Variants in KCNC2 observed in about 807,000 individuals in gnomAD.
KCNC2 encodes the protein potassium voltage-gated channel subfamily C member 2.
KCNC2 carries 21 observed loss-of-function variants against 44.5 expected under a neutral mutation model. The ratio of observed to expected loss-of-function variants is 0.47; its 90% CI spans 0.33 to 0.68. KCNC2 has a LOEUF of 0.68. KCNC2 is among the 30% of genes least tolerant of loss of function. KCNC2 has a pLI of 0.01. For synonymous variants in KCNC2, 391 were observed against 339.1 expected, an observed-to-expected ratio of 1.15 and a Z score of -1.68; for missense variants, 589 against 826.2, an observed-to-expected ratio of 0.71 and a Z score of 3.52.
At chr12:75,186,312 A>G (rs1892944720) in intron 2 of KCNC2, among the ~76,000 whole-genome samples, 3 of 152,038 alleles carry the variant, frequency 2.0e-5, no homozygotes, top group South Asian at 2.1e-4. Context: ...CAATCAAAAC[A>G]ATCGATTCAT....
chr12:75,085,435 G>A (rs1026911374), intron 2 of KCNC2, among the ~76,000 whole-genome samples: 3 of 151,996 alleles, frequency 2.0e-5, no homozygotes, highest in African/African-American at 7.2e-5. Flanking sequence ...CTGTGGACCA[G>A]GTACTATGCT....
intron 4 of KCNC2, among the ~76,000 whole-genome samples, chr12:75,045,808 T>C (rs1880435393): frequency 6.6e-6 from 1 of 151,912 alleles, no homozygotes; most frequent in Non-Finnish European, 1.5e-5. Context: ...GTTTTCTTAA[T>C]ATATGCCCAA....
intron 2 of KCNC2, among the ~76,000 whole-genome samples, chr12:75,181,810 C>CAATAATAA (rs1290676410): frequency 6.8e-6 from 1 of 147,580 alleles, no homozygotes; most frequent in Non-Finnish European, 1.5e-5. Flanking sequence ...CAATAATTAA[C>CAATAATAA]AATAATAAGC....
intron 4 of KCNC2, among the ~76,000 whole-genome samples, chr12:75,046,987 T>C (rs1880594910): frequency 6.6e-6 from 1 of 151,940 alleles, no homozygotes; most frequent in South Asian, 2.1e-4. Flanking sequence ...ATTTGAACCT[T>C]AAAATGGTAA....
intron 1 of KCNC2, 51 bp from the exon 2 acceptor site, chr12:75,208,053 C>T (rs1161072710): frequency 6.3e-6 from 10 of 1,594,394 alleles, no homozygotes; most frequent in East Asian, 2.3e-5. Context: ...CCGTCAAAGA[C>T]ACACCATGAC....
At chr12:75,172,544 G>A (rs1014899371) in intron 2 of KCNC2, among the ~76,000 whole-genome samples, 4 of 151,126 alleles carry the variant, frequency 2.6e-5, no homozygotes, top group Non-Finnish European at 2.9e-5. Context: ...TCTTATAGCT[G>A]CTAAGACAGA....
rs369956753 is a variant in KCNC2 at position 75,066,205 on chromosome 12, AT to A, written c.688-14889del. On this transcript the variant is annotated intron_variant, in intron 2 of 4. Coordinates refer to ENST00000549446, the MANE Select transcript of KCNC2 (RefSeq NM_139137.4). Reference sequence around the variant, plus strand: ...CCAATGTTCACAGTGTCACAATAAAATTTTCTTTTTGCTTTGTTATGTTCTG... The same window carrying A: ...CCAATGTTCACAGTGTCACAATAAAATTTCTTTTTGCTTTGTTATGTTCTG... Among the ~76,000 whole-genome samples the A allele has an allele frequency of 7.1e-4, 108 of 152,030 alleles. No individual in the cohort carries two copies. In the East Asian group the frequency reaches 0.017, roughly 24 times the overall value.
Position 75,041,566 on chromosome 12 carries a change from C to T in KCNC2, c.*1539G>A, listed in dbSNP as rs1394582722. ...TACGGTCTTTTTCTTCCCTCACATGCTCAATACATGAGACACGCTATTGCT... is the reference window on the plus strand; with the variant it reads ...TACGGTCTTTTTCTTCCCTCACATGTTCAATACATGAGACACGCTATTGCT... On this transcript the variant is annotated 3_prime_UTR_variant, in exon 5 of 5. Transcript: ENST00000549446. The T allele has an allele frequency of 2.7e-6, 3 of 1,106,278 alleles. No individual in the cohort carries two copies. The highest frequency in any genetic ancestry group is 4.2e-5 in the Admixed American group (1 of 23,660). 68.5% of individuals were successfully genotyped at this position (1,106,278 alleles called of 1,614,324 possible). A position where few individuals can be genotyped will look rare whatever the true frequency, so the allele number is the denominator to read the frequency against.
At chr12:75,051,984 C>G (rs1881224554) in intron 2 of KCNC2, among the ~76,000 whole-genome samples, 1 of 152,004 alleles carries the variant, frequency 6.6e-6, no homozygotes, top group African/African-American at 2.4e-5. Context: ...ATGTCTTCCT[C>G]TCTTGAAAAT....
chr12:75,086,638 C>A (rs1885019112), intron 2 of KCNC2, among the ~76,000 whole-genome samples: 1 of 125,390 alleles, frequency 8.0e-6, no homozygotes, highest in African/African-American at 3.0e-5. Flanking sequence ...AATGTAGTCC[C>A]ATAAAAAGCA....
intron 2 of KCNC2, among the ~76,000 whole-genome samples, chr12:75,167,838 T>C (rs941197463): frequency 6.6e-6 from 1 of 151,458 alleles, no homozygotes; most frequent in African/African-American, 2.4e-5. Flanking sequence ...CATGGTTGTA[T>C]GTATGCCAAT....
intron 2 of KCNC2, among the ~76,000 whole-genome samples, chr12:75,177,029 G>GTT (rs35773432): frequency 9.1e-6 from 1 of 109,560 alleles, no homozygotes; most frequent in Non-Finnish European, 1.8e-5. Flanking sequence ...GATGCTGCAA[G>GTT]TTTTATATAT....
intron 2 of KCNC2, among the ~76,000 whole-genome samples, chr12:75,202,075 A>G (rs1029339066): frequency 1.3e-5 from 2 of 151,930 alleles, no homozygotes; most frequent in African/African-American, 2.4e-5. Context: ...AAAATCTACA[A>G]AAAGGTTGAT....
chr12:75,092,017 T>A (rs1885524163), intron 2 of KCNC2, among the ~76,000 whole-genome samples: 1 of 151,660 alleles, frequency 6.6e-6, no homozygotes. Flanking sequence ...AGGATCATTC[T>A]ATTATAACCA....
intron 2 of KCNC2, among the ~76,000 whole-genome samples, 195 bp from the exon 3 acceptor site, chr12:75,051,512 G>A (rs180958535): frequency 1.1e-4 from 17 of 152,172 alleles, no homozygotes; most frequent in Admixed American, 7.9e-4. Context: ...TGTATTTCAG[G>A]TTCTGTTTTC....
In KCNC2 at chr12:75,050,799, A is replaced by G. The variant is rs1323372397; in HGVS notation, c.1206T>C (p.Tyr402=). 1 of 1,613,570 alleles carries G rather than the reference A, an allele frequency of 6.2e-7. No homozygotes were observed. Among genetic ancestry groups the G allele is most frequent in the Admixed American group, 1.7e-5 (1 of 59,886 alleles). The stretch of plus-strand genomic sequence containing the variant: ...TAGGTTGAGCTCCCACTCTCTCGGC[A>G]TAGTAGATCATGGTAGCAAATATCA... ...GVLIFATMIY[Y]AERVGAQPND... The change falls in exon 3 of 5, where the codon TAT becomes TAC. Residue 402 remains tyrosine, a synonymous_variant. Transcript: ENST00000549446.
chr12:75,058,980 T>C (rs1882032410), intron 2 of KCNC2, among the ~76,000 whole-genome samples: 1 of 152,004 alleles, frequency 6.6e-6, no homozygotes, highest in African/African-American at 2.4e-5. Flanking sequence ...CAATCCTATC[T>C]GGTACACTCC....
Position 75,196,435 on chromosome 12 carries a change from C to A in KCNC2, c.687+10862G>T, listed in dbSNP as rs73357303. On this transcript the variant is annotated intron_variant, in intron 2 of 4. Coordinates refer to ENST00000549446, the MANE Select transcript of KCNC2 (RefSeq NM_139137.4). ...AAGTAGGCTACTATAAACGCCTCACCTCCAGAAATGAGCAATGCTTGCCTC... is the reference window on the plus strand; with the variant it reads ...AAGTAGGCTACTATAAACGCCTCACATCCAGAAATGAGCAATGCTTGCCTC... Among the ~76,000 whole-genome samples, 1,391 of 152,160 alleles carry A rather than the reference C, an allele frequency of 9.1e-3. 18 individuals carry two copies. The highest frequency in any genetic ancestry group is 0.032 in the African/African-American group (1,346 of 41,526).
intron 2 of KCNC2, among the ~76,000 whole-genome samples, chr12:75,168,705 T>C (rs966639731): frequency 2.2e-4 from 33 of 151,598 alleles, no homozygotes. Flanking sequence ...TTAAATTTAT[T>C]TCTTTGTCAA....
Sources: gnomAD v4.1 joint callset for allele counts (sites outside exome capture counted in the v4.1 genomes callset) on GRCh38, gnomAD v4.1.1 for gene constraint, MANE v1.5 for transcripts, NCBI Gene and HGNC (gene_info 2026-07-23, HGNC 2026-07-21) for gene names.